The following NOX4 variants were observed in gnomAD, a reference collection of about 807,000 sequenced individuals.
NOX4 encodes the protein NADPH oxidase 4, also known as kidney oxidase-1.
NOX4 carries 69 observed loss-of-function variants against 87.6 expected under a neutral mutation model. The observed-to-expected ratio is 0.79, with a 90% CI of 0.65 to 0.96. NOX4 has a LOEUF of 0.96. NOX4 is among the 40% of genes least tolerant of loss of function. NOX4 has a pLI of 0.00. For missense variants in NOX4, 680 were observed against 681.5 expected, an observed-to-expected ratio of 1.00 and a Z score of 0.02; for synonymous variants, 275 against 238.2, an observed-to-expected ratio of 1.15 and a Z score of -1.42.
At chr11:89,442,634 G>GA (rs912207434) in intron 5 of NOX4, among the ~76,000 whole-genome samples, 5 of 151,976 alleles carry the variant, frequency 3.3e-5, no homozygotes, top group African/African-American at 7.2e-5. Context: ...CAAAATATCA[G>GA]AAAAAAACAT....
At chr11:89,350,456 C>A (rs1232678376) in intron 13 of NOX4, among the ~76,000 whole-genome samples, 1 of 151,998 alleles carries the variant, frequency 6.6e-6, no homozygotes, top group African/African-American at 2.4e-5. Context: ...AATAGAAACC[C>A]AAGTCCAAAT....
the NOX4 span, among the ~76,000 whole-genome samples, chr11:89,511,128 T>C: frequency 6.6e-6 from 1 of 152,052 alleles, no homozygotes; most frequent in Non-Finnish European, 1.5e-5. Context: ...CAAATAATCA[T>C]TATTAATATT....
intron 17 of NOX4, among the ~76,000 whole-genome samples, chr11:89,335,028 T>C (rs1042267470): frequency 6.6e-6 from 1 of 151,774 alleles, no homozygotes; most frequent in African/African-American, 2.4e-5. Context: ...TTCCAGTGGA[T>C]ATGTTTAAAG....
At chr11:89,549,467 A>T in the NOX4 span, among the ~76,000 whole-genome samples, 3 of 152,214 alleles carry the variant, frequency 2.0e-5, no homozygotes, top group Non-Finnish European at 2.9e-5. Context: ...ACTTGTTTAA[A>T]GACAATCCAT....
chr11:89,460,652 G>A (rs1333560651), intron 2 of NOX4, among the ~76,000 whole-genome samples: 4 of 152,132 alleles, frequency 2.6e-5, no homozygotes, highest in Non-Finnish European at 4.4e-5. Flanking sequence ...AAAAAGTCAG[G>A]AAACAACAGG....
intron 6 of NOX4, among the ~76,000 whole-genome samples, chr11:89,439,912 T>C (rs1944382647): frequency 6.6e-6 from 1 of 152,180 alleles, no homozygotes; most frequent in Non-Finnish European, 1.5e-5. Flanking sequence ...TTCTCCTCTT[T>C]GTTGTAAATT....
At chr11:89,508,001 G>A in the NOX4 span, among the ~76,000 whole-genome samples, 2 of 151,930 alleles carry the variant, frequency 1.3e-5, no homozygotes, top group African/African-American at 4.8e-5. Flanking sequence ...TTATATAGAA[G>A]GAGATTTATT....
At chr11:89,511,555 G>A in the NOX4 span, among the ~76,000 whole-genome samples, 951 of 151,998 alleles carry the variant, frequency 6.3e-3, 10 homozygotes, top group African/African-American at 0.022. Flanking sequence ...GCAATGGACC[G>A]TCTAATTGCT....
chr11:89,497,311 T>G (rs1459424490), intron 1 of NOX4, among the ~76,000 whole-genome samples: 1 of 152,216 alleles, frequency 6.6e-6, no homozygotes, highest in Non-Finnish European at 1.5e-5. Context: ...TAAACAGAAG[T>G]GTCTGAAAAA....
intron 11 of NOX4, among the ~76,000 whole-genome samples, chr11:89,391,381 T>C (rs1340770435): frequency 1.3e-5 from 2 of 151,998 alleles, no homozygotes; most frequent in African/African-American, 4.8e-5. Context: ...TGTGAATACA[T>C]GGAAGAAAAT....
chr11:89,376,987 G>A (rs1180063169), intron 11 of NOX4, among the ~76,000 whole-genome samples: 8 of 152,152 alleles, frequency 5.3e-5, no homozygotes, highest in Non-Finnish European at 1.0e-4. Flanking sequence ...GAATTCAGGC[G>A]GCAGAGGTTG....
At chr11:89,341,207 C>T (rs1565176763) in intron 14 of NOX4, among the ~76,000 whole-genome samples, 1 of 150,160 alleles carries the variant, frequency 6.7e-6, no homozygotes, top group Non-Finnish European at 1.5e-5. Context: ...ACTGCAACCC[C>T]CACCTCCCAG....
At chr11:89,459,840 C>T (rs1176196618) in intron 2 of NOX4, among the ~76,000 whole-genome samples, 3 of 152,094 alleles carry the variant, frequency 2.0e-5, no homozygotes, top group Non-Finnish European at 4.4e-5. Flanking sequence ...CAAAAAAGAG[C>T]CCACAATTCC....
chr11:89,560,988 C>CTA, the NOX4 span, among the ~76,000 whole-genome samples: 50 of 75,592 alleles, frequency 6.6e-4, no homozygotes, highest in East Asian at 1.8e-3. Context: ...CTCTCTCTCT[C>CTA]TCTCTCTCTA....
intron 2 of NOX4, among the ~76,000 whole-genome samples, chr11:89,458,015 T>C (rs1478521377): frequency 3.9e-5 from 6 of 152,132 alleles, no homozygotes; most frequent in African/African-American, 1.4e-4. Context: ...ACCATTCCTA[T>C]CAAACTACCA....
chr11:89,423,083 C>A (rs1943174092), intron 7 of NOX4, among the ~76,000 whole-genome samples: 2 of 152,076 alleles, frequency 1.3e-5, no homozygotes, highest in Admixed American at 1.3e-4. Context: ...CAGGTGTGAG[C>A]CACCATGCTT....
chr11:89,463,718 T>C (rs2135422582), intron 2 of NOX4, among the ~76,000 whole-genome samples: 1 of 152,058 alleles, frequency 6.6e-6, no homozygotes, highest in Non-Finnish European at 1.5e-5. Flanking sequence ...CCAGTTAGGT[T>C]ATTTCTACAT....
At chr11:89,407,289 G>A (rs1942239991) in intron 8 of NOX4, among the ~76,000 whole-genome samples, 1 of 152,008 alleles carries the variant, frequency 6.6e-6, no homozygotes, top group African/African-American at 2.4e-5. Flanking sequence ...AAACAAGAAG[G>A]GAAAAAGACA....
At chr11:89,569,775 G>A in the NOX4 span, among the ~76,000 whole-genome samples, 3 of 151,916 alleles carry the variant, frequency 2.0e-5, no homozygotes, top group East Asian at 1.9e-4. Flanking sequence ...AGGCTGAGGC[G>A]GGCGGATCAC....
Sources: gnomAD v4.1 joint callset for allele counts (sites outside exome capture counted in the v4.1 genomes callset) on GRCh38, gnomAD v4.1.1 for gene constraint, MANE v1.5 for transcripts, NCBI Gene and HGNC (gene_info 2026-07-23, HGNC 2026-07-21) for gene names.